TMC7: variants seen among roughly 807,000 people sequenced by gnomAD.
The protein encoded by TMC7 is transmembrane channel like 7.
A neutral mutation model predicts 82.9 loss-of-function variants in TMC7; 54 were observed. The ratio of observed to expected loss-of-function variants is 0.65; its 90% CI spans 0.52 to 0.82. TMC7 has a LOEUF of 0.82. Ranked by LOEUF, TMC7 falls within the 40% of genes least tolerant of loss-of-function variation. The pLI is 0.00. For missense variants in TMC7, 820 were observed against 901.2 expected, an observed-to-expected ratio of 0.91 and a Z score of 1.15; for synonymous variants, 350 against 337.9, an observed-to-expected ratio of 1.04 and a Z score of -0.39.
intron 4 of TMC7, among the ~76,000 whole-genome samples, chr16:19,022,048 C>G (rs1380463553): frequency 6.6e-6 from 1 of 152,128 alleles, no homozygotes; most frequent in African/African-American, 2.4e-5. Flanking sequence ...ATTTCTCACT[C>G]ACAGTCCATG....
chr16:19,022,872 G>C (rs1410004000), intron 4 of TMC7, among the ~76,000 whole-genome samples: 1 of 152,082 alleles, frequency 6.6e-6, no homozygotes, highest in Non-Finnish European at 1.5e-5. Flanking sequence ...ATACAAAAAT[G>C]AGCCAGGTGT....
At chr16:19,042,834 C>T (rs1463884187) in intron 9 of TMC7, among the ~76,000 whole-genome samples, 1 of 151,990 alleles carries the variant, frequency 6.6e-6, no homozygotes, top group African/African-American at 2.4e-5. Flanking sequence ...GCAAGCTCCG[C>T]CTCCCGGGTT....
In TMC7 at chr16:19,047,115, C is replaced by G; in HGVS notation, c.1606C>G (p.Gln536Glu). Residue 536 changes from glutamine to glutamate, a missense_variant, in exon 12 of 16, where the codon CAG (glutamine) becomes GAG (glutamate). By Grantham distance (29) the Gln-to-Glu change is conservative. Transcript: ENST00000304381. ...CAAGCTGATTCAGTGCTGGGGGCAGCAGGAGTTTGCCATTCCTGATAACGT... is the reference window on the plus strand; with the variant it reads ...CAAGCTGATTCAGTGCTGGGGGCAGGAGGAGTTTGCCATTCCTGATAACGT... ...SCKLIQCWGQ[Q>E]EFAIPDNVLG... The G allele has an allele frequency of 6.2e-7, 1 of 1,613,996 alleles. No individual in the cohort carries two copies. The highest frequency in any genetic ancestry group is 2.2e-5 in the East Asian group (1 of 44,860).
chr16:19,035,702 T>C lies in TMC7; in HGVS notation c.884T>C (p.Leu295Pro), dbSNP rs1275127057. Reference sequence around the variant, plus strand: ...TCGGTGGAAGGATTCAAAATCAACCTGATTCGGAGTGAGGAGCACTTTCAG... The same window carrying C: ...TCGGTGGAAGGATTCAAAATCAACCCGATTCGGAGTGAGGAGCACTTTCAG... ...KRSVEGFKIN[L>P]IRSEEHFQSY... The change falls in exon 7 of 16, where the codon CTG becomes CCG. Residue 295 changes from leucine to proline, a missense_variant. By Grantham distance (98) the Leu-to-Pro change is moderately conservative. Around this residue, in one of 2 missense-constraint regions of TMC7, gnomAD observed 650 missense variants for 669.9 expected, o/e 0.97. Transcript: ENST00000304381. 3 of 1,614,188 alleles carry C rather than the reference T, an allele frequency of 1.9e-6. No individual in the cohort carries two copies. The highest frequency in any genetic ancestry group is 2.5e-6 in the Non-Finnish European group (3 of 1,180,038).
At chr16:19,010,314 C>T (rs1010817277) in intron 2 of TMC7, among the ~76,000 whole-genome samples, 3 of 151,832 alleles carry the variant, frequency 2.0e-5, no homozygotes, top group African/African-American at 7.3e-5. Context: ...GCCACCATGC[C>T]CAGCTAATTT....
intron 2 of TMC7, among the ~76,000 whole-genome samples, chr16:19,013,707 C>T (rs762508077): frequency 5.9e-5 from 9 of 151,864 alleles, no homozygotes; most frequent in Non-Finnish European, 8.8e-5. Context: ...TTGGTAGAGA[C>T]GGGGTTTCAC....
At chr16:19,032,772 T>C (rs1960575526) in intron 6 of TMC7, among the ~76,000 whole-genome samples, 1 of 151,990 alleles carries the variant, frequency 6.6e-6, no homozygotes, top group Non-Finnish European at 1.5e-5. Context: ...AGATTACAGG[T>C]GCACGCCACC....
chr16:19,010,046 CTTTT>C (rs1038706767), intron 2 of TMC7, among the ~76,000 whole-genome samples: 8 of 102,432 alleles, frequency 7.8e-5, no homozygotes, highest in East Asian at 6.8e-4. Flanking sequence ...TCCTTTCTTT[CTTTT>C]TCTTTCTTTC....
chr16:19,035,604 A>C, intron 6 of TMC7, 72 bp from the exon 7 acceptor site: 1 of 1,595,372 alleles, frequency 6.3e-7, no homozygotes, highest in African/African-American at 1.3e-5. Context: ...TTTAAGTTTC[A>C]GACACAGCCA....
intron 1 of TMC7, among the ~76,000 whole-genome samples, chr16:19,000,423 C>A (rs1402203331): frequency 6.6e-6 from 1 of 151,998 alleles, no homozygotes; most frequent in African/African-American, 2.4e-5. Context: ...GCTGAGATTG[C>A]GCCACTGCAC....
At chr16:19,026,530 C>T (rs74751005) in intron 5 of TMC7, among the ~76,000 whole-genome samples, 2 of 151,484 alleles carry the variant, frequency 1.3e-5, no homozygotes, top group Non-Finnish European at 2.9e-5. Context: ...CTGCTGTTAA[C>T]CCCATTTCTT....
intron 3 of TMC7, among the ~76,000 whole-genome samples, chr16:19,018,991 C>A (rs76322646): frequency 6.6e-6 from 1 of 152,190 alleles, no homozygotes; most frequent in African/African-American, 2.4e-5. Flanking sequence ...GCTGAGACTA[C>A]AGGCACGTGC....
intron 3 of TMC7, among the ~76,000 whole-genome samples, chr16:19,016,995 A>G (rs1396293845): frequency 6.6e-6 from 1 of 151,990 alleles, no homozygotes; most frequent in Non-Finnish European, 1.5e-5. Flanking sequence ...ACCAGCCTGG[A>G]CAACATGGTG....
At chr16:19,051,905 T>G (rs1472212890) in intron 13 of TMC7, 89 bp downstream of exon 13, 1 of 1,568,244 alleles carries the variant, frequency 6.4e-7, no homozygotes, top group African/African-American at 1.4e-5. Flanking sequence ...CACATTTTTT[T>G]TTTTTTTGAG....
intron 1 of TMC7, among the ~76,000 whole-genome samples, chr16:18,996,700 C>T (rs1412304126): frequency 6.6e-6 from 1 of 152,130 alleles, no homozygotes; most frequent in Non-Finnish European, 1.5e-5. Flanking sequence ...AAGGTGGAGA[C>T]ACAGAGAAGG....
chr16:19,005,019 G>A (rs1358903516), intron 1 of TMC7, among the ~76,000 whole-genome samples: 2 of 151,378 alleles, frequency 1.3e-5, no homozygotes, highest in Non-Finnish European at 2.9e-5. Context: ...AGAGTAGTTC[G>A]GAGTATTAAG....
rs1472205144 is a variant in TMC7, at chr16:18,983,976, G to A, written c.-88G>A. The A allele has an allele frequency of 8.5e-6, 11 of 1,298,820 alleles. No homozygotes were observed. Among genetic ancestry groups the A allele is most frequent in the Admixed American group, 8.0e-5 (2 of 24,864 alleles). The allele number at this position is 1,298,820 out of a possible 1,614,324, so 80.5% of individuals were successfully genotyped here. A position where few individuals can be genotyped will look rare whatever the true frequency, so the allele number is the denominator to read the frequency against. The stretch of plus-strand genomic sequence containing the variant: ...GTCAGCGCCGGAACCTGGAATCCCG[G>A]CTCCGCGAGGGAAGGCCGGGGAGGC... On this transcript the variant is annotated 5_prime_UTR_variant, in exon 1 of 16. Transcript: ENST00000304381.
chr16:19,045,352 C>A lies in TMC7; in HGVS notation c.1467C>A (p.Thr489=). Reference sequence around the variant, plus strand: ...CTCTTTGATTTCAGTGCTGGGAGACCCAAGTTGGGCAGGAAATGTACAAGC... The same window carrying A: ...CTCTTTGATTTCAGTGCTGGGAGACACAAGTTGGGCAGGAAATGTACAAGC... ...YNQKLYPCWE[T]QVGQEMYKLM... The change falls in exon 11 of 16, where the codon ACC becomes ACA. Residue 489 remains threonine, a synonymous_variant. Coordinates refer to ENST00000304381, the MANE Select transcript of TMC7 (RefSeq NM_024847.4). The A allele has an allele frequency of 1.2e-6, 2 of 1,613,858 alleles. No individual in the cohort carries two copies. The highest frequency in any genetic ancestry group is 1.7e-6 in the Non-Finnish European group (2 of 1,179,912).
chr16:19,026,491 G>A (rs1468339006), intron 5 of TMC7, among the ~76,000 whole-genome samples: 4 of 147,294 alleles, frequency 2.7e-5, no homozygotes, highest in Non-Finnish European at 4.5e-5. Context: ...AAAAAAAAAA[G>A]AAAGCAAAGT....
Sources: allele counts gnomAD v4.1 joint callset (sites outside exome capture counted in the v4.1 genomes callset), GRCh38; gene constraint gnomAD v4.1.1; regional missense constraint gnomAD v4.1.1; transcripts MANE v1.5; gene names NCBI Gene and HGNC (gene_info 2026-07-23, HGNC 2026-07-21).